Variants in PCDH11X observed in about 807,000 individuals in gnomAD.
PCDH11X encodes the protein protocadherin 11 X-linked.
PCDH11X carries 18 observed loss-of-function variants against 53.3 expected under a neutral mutation model. The ratio of observed to expected loss-of-function variants is 0.34; its 90% CI spans 0.23 to 0.50. PCDH11X has a LOEUF of 0.50. Ranked by LOEUF, PCDH11X falls within the 20% of genes least tolerant of loss-of-function variation. The probability of loss-of-function intolerance (pLI) is 0.98; values close to 1 mark genes in which losing one functional copy is unlikely to be tolerated. For synonymous variants in PCDH11X, 279 were observed against 393.3 expected, an observed-to-expected ratio of 0.71 and a Z score of 3.44; for missense variants, 570 against 1,032.4, an observed-to-expected ratio of 0.55 and a Z score of 6.14.
chrX:92,428,651 TTTAC>T (rs761840409), intron 9 of PCDH11X, among the ~76,000 whole-genome samples: 14 of 111,464 alleles, frequency 1.3e-4, no homozygotes, highest in African/African-American at 2.0e-4. Flanking sequence ...CTCTTGTACA[TTTAC>T]TTACTTATTT....
rs1488854249 is a variant in PCDH11X, at chrX:92,221,101, A to G, written c.3114+19646A>G. On this transcript the variant is annotated intron_variant, in intron 7 of 10. Transcript: ENST00000682573. ...CATTAGGAGATATACCTAATGCTAA[A>G]TGACGAGTTAATGGGTGCAGCACAC... Among the ~76,000 whole-genome samples the G allele has an allele frequency of 1.3e-4, 12 of 94,962 alleles. No homozygotes were observed. The South Asian group carries it at 6.3e-3, about 50-fold the overall frequency. 82.5% of individuals were successfully genotyped at this position (94,962 alleles called of 115,157 possible).
At chrX:92,602,302 A>C (rs1471070797) in intron 10 of PCDH11X, among the ~76,000 whole-genome samples, 1 of 112,227 alleles carries the variant, frequency 8.9e-6, no homozygotes, top group East Asian at 2.8e-4. Context: ...GAGAGCAAAA[A>C]AATAAAAATT....
chrX:92,170,782 G>C lies in PCDH11X; in HGVS notation c.3034-30593G>C, dbSNP rs183605719. On this transcript the variant is annotated intron_variant, in intron 6 of 10. Coordinates refer to ENST00000682573, the MANE Select transcript of PCDH11X (RefSeq NM_032968.5). ...CTAGCTAATTTGCTTTTCTTGTTTT[G>C]TTTTTTTGTTTTTTGTTTTTTTTTT... Among the ~76,000 whole-genome samples, 770 of 100,631 alleles carry C rather than the reference G, an allele frequency of 7.7e-3. 6 individuals are homozygous for C. Among genetic ancestry groups the C allele is most frequent in the African/African-American group, 0.026 (738 of 27,882 alleles). 87.4% of individuals were successfully genotyped at this position (100,631 alleles called of 115,157 possible).
At chrX:92,461,019 A>AG (rs2073031511) in intron 9 of PCDH11X, 1 of 580,119 alleles carries the variant, frequency 1.7e-6, no homozygotes, top group African/African-American at 2.4e-5. Context: ...TAAAAAAAAA[A>AG]AAGATTTAAA....
At chrX:92,383,530 A>G (rs1230060711) in intron 8 of PCDH11X, among the ~76,000 whole-genome samples, 2 of 109,807 alleles carry the variant, frequency 1.8e-5, no homozygotes, top group Non-Finnish European at 3.8e-5. Context: ...CTGTGTCCAT[A>G]TGTTCTCATT....
chrX:92,555,607 C>A (rs2075033686), intron 10 of PCDH11X, among the ~76,000 whole-genome samples: 1 of 111,732 alleles, frequency 8.9e-6, no homozygotes, highest in African/African-American at 3.3e-5. Flanking sequence ...CTAACACATT[C>A]ATGACTTCAG....
intron 6 of PCDH11X, among the ~76,000 whole-genome samples, chrX:92,124,967 T>A (rs761605280): frequency 1.8e-5 from 2 of 111,968 alleles, no homozygotes; most frequent in Non-Finnish European, 3.8e-5. Context: ...GTCTGGCACA[T>A]AGTATGAACT....
At chrX:92,372,019 T>A (rs768192559) in intron 8 of PCDH11X, among the ~76,000 whole-genome samples, 1 of 111,152 alleles carries the variant, frequency 9.0e-6, no homozygotes, top group South Asian at 3.8e-4. Context: ...TTGAGTATGA[T>A]TCCTAGCAAC....
At chrX:91,899,358 T>C (rs1940869297) in intron 6 of PCDH11X, among the ~76,000 whole-genome samples, 1 of 111,033 alleles carries the variant, frequency 9.0e-6, no homozygotes, top group Admixed American at 9.7e-5. Flanking sequence ...CCTGCTTTTA[T>C]TCTAGCCGTG....
At chrX:92,265,068 T>A (rs2067798211) in intron 8 of PCDH11X, among the ~76,000 whole-genome samples, 2 of 109,117 alleles carry the variant, frequency 1.8e-5, no homozygotes, top group African/African-American at 3.3e-5. Flanking sequence ...ATAAGCAGAA[T>A]CTTTTTTGGA....
rs1459478988 is a variant in PCDH11X at position 91,829,432 on chromosome X, ACACACACACACC to A, written c.-44-6024_-44-6013del. On this transcript the variant is annotated intron_variant, in intron 4 of 10. Coordinates refer to ENST00000682573, the MANE Select transcript of PCDH11X (RefSeq NM_032968.5). The stretch of plus-strand genomic sequence containing the variant: ...ATATATTACACACACACACACACAC[ACACACACACACC>A]CACAATTATATATATATGAAGAAAC... 2.9e-3 allele frequency among the ~76,000 whole-genome samples: 268 copies of A among 90,961 alleles called. 2 individuals are homozygous for A. The highest frequency in any genetic ancestry group is 0.012 in the African/African-American group (254 of 21,337). The allele number at this position is 90,961 out of a possible 115,157, so 79.0% of individuals were successfully genotyped here. A position where few individuals can be genotyped will look rare whatever the true frequency, so the allele number is the denominator to read the frequency against.
At chrX:92,613,146 G>A (rs1462355837) in intron 10 of PCDH11X, among the ~76,000 whole-genome samples, 1 of 109,683 alleles carries the variant, frequency 9.1e-6, no homozygotes, top group African/African-American at 3.3e-5. Flanking sequence ...CTATCATGAA[G>A]TTGTTAGCTG....
chrX:92,363,351 C>T (rs34503039), intron 8 of PCDH11X, among the ~76,000 whole-genome samples: 1 of 111,112 alleles, frequency 9.0e-6, no homozygotes, highest in Non-Finnish European at 1.9e-5. Flanking sequence ...TAGTTTTCAG[C>T]GTATACCTTT....
intron 9 of PCDH11X, among the ~76,000 whole-genome samples, chrX:92,390,864 G>A (rs2071113681): frequency 9.9e-6 from 1 of 100,733 alleles, no homozygotes; most frequent in Non-Finnish European, 2.0e-5. Flanking sequence ...TAGTTCCCTG[G>A]TTGATAAAAA....
chrX:91,856,208 AGG>A (rs571230410), intron 5 of PCDH11X, among the ~76,000 whole-genome samples: 2 of 91,065 alleles, frequency 2.2e-5, no homozygotes, highest in African/African-American at 4.1e-5. Flanking sequence ...TTTGTCATGA[AGG>A]GATGTTGAAT....
intron 10 of PCDH11X, among the ~76,000 whole-genome samples, chrX:92,564,548 G>T (rs1460722693): frequency 9.3e-6 from 1 of 107,909 alleles, no homozygotes; most frequent in African/African-American, 3.4e-5. Context: ...ATTGTGCTAG[G>T]AAAACTTAAT....
chrX:92,133,563 T>C (rs1206941089), intron 6 of PCDH11X, among the ~76,000 whole-genome samples: 3 of 111,670 alleles, frequency 2.7e-5, no homozygotes, highest in Non-Finnish European at 3.8e-5. Context: ...TTGGGGTTTC[T>C]CCATGTTGGT....
chrX:91,974,162 A>G (rs932915461), intron 6 of PCDH11X, among the ~76,000 whole-genome samples: 1 of 111,593 alleles, frequency 9.0e-6, no homozygotes, highest in Non-Finnish European at 1.9e-5. Context: ...CCAGTTATCC[A>G]TGATTTATTT....
chrX:92,101,979 T>C lies in PCDH11X; in HGVS notation c.3034-99396T>C, dbSNP rs2064263901. ...TTTGCTGGTATGTGGCGATTAGGCC[T>C]GGTGGAACTGCCATCAATAAATCAA... On this transcript the variant is annotated intron_variant, in intron 6 of 10. Coordinates refer to ENST00000682573, the MANE Select transcript of PCDH11X (RefSeq NM_032968.5). Among the ~76,000 whole-genome samples the C allele has an allele frequency of 3.6e-5, 4 of 111,827 alleles. No homozygotes were observed. The South Asian group carries it at 1.5e-3, about 42-fold the overall frequency.
Sources: gnomAD v4.1 joint callset for allele counts (sites outside exome capture counted in the v4.1 genomes callset) on GRCh38, gnomAD v4.1.1 for gene constraint, MANE v1.5 for transcripts, NCBI Gene and HGNC (gene_info 2026-07-23, HGNC 2026-07-21) for gene names.